Variants in WDR73 observed in about 807,000 individuals in gnomAD.
WDR73 encodes integrator complex assembly factor WDR73.
In WDR73, 30 loss-of-function variants were observed where a neutral mutation model predicts 38.2. That is an observed-to-expected ratio of 0.79 (90% CI 0.59 to 1.06). The LOEUF (loss-of-function observed/expected upper bound fraction) is 1.06, where lower values mean the gene tolerates loss of function less well. Ranked by LOEUF, WDR73 falls within the 50% of genes least tolerant of loss-of-function variation. WDR73 has a pLI of 0.00. For synonymous variants in WDR73, 197 were observed against 176.0 expected (o/e 1.12, Z -0.94); for missense variants, 487 against 467.0 (o/e 1.04, Z -0.40).
rs182438145 is a variant in WDR73 at position 84,653,433 on chromosome 15, G to A, written c.109+199C>T. 4 of 495,152 alleles carry A rather than the reference G, an allele frequency of 8.1e-6. 1 individual carries two copies. Among genetic ancestry groups the A allele is most frequent in the East Asian group, 7.3e-5 (2 of 27,272 alleles). The allele number at this position is 495,152 out of a possible 1,614,324, so 30.7% of individuals were successfully genotyped here. Reference sequence around the variant, plus strand: ...GATCCGCCTGCCTCGGCCTCCCAAAGTGCTGGGATTACAGGCGTGAACCAC... The same window carrying A: ...GATCCGCCTGCCTCGGCCTCCCAAAATGCTGGGATTACAGGCGTGAACCAC... On this transcript the variant is annotated intron_variant, in intron 2 of 7. Coordinates refer to ENST00000434634, the MANE Select transcript of WDR73 (RefSeq NM_032856.5).
rs930747973 is a variant in WDR73 at position 84,654,261 on chromosome 15, T to A, written c.14A>T (p.Asp5Val). 3.7e-6 allele frequency: 6 copies of A among 1,613,758 alleles called. No homozygotes were observed. Among genetic ancestry groups the A allele is most frequent in the Non-Finnish European group, 5.1e-6 (6 of 1,179,816 alleles). Reference sequence around the variant, plus strand: ...GCGCAAGGATTCCACCAGCCAGTCGTCCCCAGGATCCATGGCAACGACCGC... The same window carrying A: ...GCGCAAGGATTCCACCAGCCAGTCGACCCCAGGATCCATGGCAACGACCGC... Reference protein sequence around the residue: MDPGDDWLVESLRLY... With the variant: MDPGVDWLVESLRLY... The change falls in exon 1 of 8, where the codon GAC (aspartate) becomes GTC (valine). Residue 5 changes from aspartate (D) to valine (V), a missense_variant. By Grantham distance (152) the Asp-to-Val change is radical. Transcript: ENST00000434634.
rs910159785 is a variant in WDR73, at chr15:84,643,737, A to G, written c.884-14T>C. 1.8e-5 allele frequency: 29 copies of G among 1,604,594 alleles called. No homozygotes were observed. The highest frequency in any genetic ancestry group is 3.3e-4 in the Middle Eastern group (2 of 6,030). On this transcript the variant is annotated splice_polypyrimidine_tract_variant and intron_variant, in intron 7 of 7. Transcript: ENST00000434634. ...TACCATCAAAACCTGAGAATACAGAAAAGAGAGGCTTGACAATGAGTCCCT... is the reference window on the plus strand; with the variant it reads ...TACCATCAAAACCTGAGAATACAGAGAAGAGAGGCTTGACAATGAGTCCCT...
In WDR73 at chr15:84,646,221, G is replaced by A. The variant is rs201447846; in HGVS notation, c.480C>T (p.Val160=). 222 of 1,613,820 alleles carry A rather than the reference G, an allele frequency of 1.4e-4. No homozygotes were observed. The highest frequency in any genetic ancestry group is 1.1e-3 in the African/African-American group (80 of 75,022). ...TGGTCTTCCGGGACTCCAGATCAAC[G>A]ACCTGCAGACTTCGGAGCCTCGCCC... ...LHGARLRSLQ[V]VDLESRKTTY... The change falls in exon 6 of 8, where the codon GTC becomes GTT. Residue 160 remains valine (V), a synonymous_variant. Transcript: ENST00000434634.
Position 84,643,665 on chromosome 15 carries a change from TTGGCTCCGTGTTCCATC to T in WDR73, c.925_941del (p.Asp309ArgfsTer49), listed in dbSNP as rs752356322. 3.4e-5 allele frequency: 42 copies of T among 1,243,342 alleles called. No individual in the cohort carries two copies. The South Asian group carries it at 5.6e-4, about 17-fold the overall frequency. 77.0% of individuals were successfully genotyped at this position (1,243,342 alleles called of 1,614,324 possible). On this transcript the variant is annotated frameshift_variant, in exon 8 of 8. Coordinates refer to ENST00000434634, the MANE Select transcript of WDR73 (RefSeq NM_032856.5). LOFTEE classifies it high-confidence loss of function. ...GTTCTACTTGGCTCCGTGTTCCATC[TTGGCTCCGTGTTCCATC>T]CCAAGATGTGGCATCATAGACCTGG...
intron 3 of WDR73, among the ~76,000 whole-genome samples, chr15:84,650,004 T>C (rs1896575298): frequency 6.6e-6 from 1 of 152,224 alleles, no homozygotes; most frequent in African/African-American, 2.4e-5. Context: ...CCAGCACTCC[T>C]AATGGCCCTG....
In WDR73 at chr15:84,643,307, C is replaced by T; in HGVS notation, c.*163G>A. 1.2e-6 allele frequency: 1 copy of T among 805,866 alleles called. No individual in the cohort carries two copies. The highest frequency in any genetic ancestry group is 1.9e-6 in the Non-Finnish European group (1 of 522,022). 49.9% of individuals were successfully genotyped at this position (805,866 alleles called of 1,614,324 possible). On this transcript the variant is annotated 3_prime_UTR_variant, in exon 8 of 8. Coordinates refer to ENST00000434634, the MANE Select transcript of WDR73 (RefSeq NM_032856.5). ...ACTACGAGGTAGTTCTTACTATCCT[C>T]ATTTTACAGATAAGGAAACTGAGGC... is the stretch of plus-strand genomic sequence containing the variant.
Position 84,646,444 on chromosome 15 carries a change from A to C in WDR73, c.353-96T>G. 4 of 1,497,004 alleles carry C rather than the reference A, an allele frequency of 2.7e-6. No homozygotes were observed. In the East Asian group the frequency reaches 9.1e-5, roughly 34 times the overall value. 92.7% of individuals were successfully genotyped at this position (1,497,004 alleles called of 1,614,324 possible). A position where few individuals can be genotyped will look rare whatever the true frequency, so the allele number is the denominator to read the frequency against. ...TCTTCCCCTGTACATTTAGAAGATCAAGGAAGAAAAGGAGCTGCCGGCTGG... is the reference window on the plus strand; with the variant it reads ...TCTTCCCCTGTACATTTAGAAGATCCAGGAAGAAAAGGAGCTGCCGGCTGG... On this transcript the variant is annotated intron_variant, in intron 5 of 7. Coordinates refer to ENST00000434634, the MANE Select transcript of WDR73 (RefSeq NM_032856.5).
intron 7 of WDR73, 80 bp from the exon 8 acceptor site, chr15:84,643,803 G>A: frequency 7.0e-7 from 1 of 1,422,230 alleles, no homozygotes; most frequent in Non-Finnish European, 9.3e-7. Flanking sequence ...TTTTAATAGA[G>A]ATGGGGTTTC....
intron 7 of WDR73, chr15:84,645,173 T>C: frequency 1.6e-6 from 2 of 1,242,324 alleles, no homozygotes; most frequent in Non-Finnish European, 2.0e-6. Context: ...TGTCCCCTTT[T>C]CTTTCTGACC....
rs1482945073 is a variant in WDR73, at chr15:84,640,733, T to TA, written c.*2736dup. On this transcript the variant is annotated 3_prime_UTR_variant, in exon 8 of 8. Transcript: ENST00000434634. ...ATAATATTATTAAAAGAATTTAAAA[T>TA]AAAGTGTTCCATAGATGTGAACCCT... 6.6e-6 allele frequency: 1 copy of TA among 152,120 alleles called. No individual in the cohort carries two copies. The highest frequency in any genetic ancestry group is 2.4e-5 in the African/African-American group (1 of 41,422). 9.4% of individuals were successfully genotyped at this position (152,120 alleles called of 1,614,324 possible). A position where few individuals can be genotyped will look rare whatever the true frequency, so the allele number is the denominator to read the frequency against.
intron 3 of WDR73, among the ~76,000 whole-genome samples, chr15:84,651,030 G>C (rs1216427622): frequency 6.6e-6 from 1 of 151,672 alleles, no homozygotes; most frequent in Non-Finnish European, 1.5e-5. Flanking sequence ...TGGGAGGATG[G>C]CTTGAGCCCA....
In WDR73 at chr15:84,642,492, G is replaced by A. The variant is rs1896292177; in HGVS notation, c.*978C>T. On this transcript the variant is annotated 3_prime_UTR_variant, in exon 8 of 8. Coordinates refer to ENST00000434634, the MANE Select transcript of WDR73 (RefSeq NM_032856.5). ...TATTTTGTGTGTGTGTGTGTAACAG[G>A]GTCTCATTCTGTTGCCCAGGCTGGA... 6.6e-6 allele frequency: 1 copy of A among 152,046 alleles called. No individual in the cohort carries two copies. The highest frequency in any genetic ancestry group is 1.5e-5 in the Non-Finnish European group (1 of 68,022). The allele number at this position is 152,046 out of a possible 1,614,324, so 9.4% of individuals were successfully genotyped here.
Position 84,652,751 on chromosome 15 carries a change from A to G in WDR73, c.161T>C (p.Leu54Pro). 6.5e-7 allele frequency: 1 copy of G among 1,538,504 alleles called. No homozygotes were observed. The highest frequency in any genetic ancestry group is 8.8e-7 in the Non-Finnish European group (1 of 1,140,492). Residue 54 changes from leucine (L) to proline (P), a missense_variant, in exon 3 of 8, where the codon CTG becomes CCG. By Grantham distance (98) the Leu-to-Pro change is moderately conservative. Transcript: ENST00000434634. ...ESLKKNEILH[L>P]KLPLRLSVKE... ...TACAGAAAGTCTGAGAGGTAATTTC[A>G]GATGAAGAATTTCATTCTTTTTCAG...
At position 84,646,354 on chromosome 15, in the gene WDR73, G is replaced by A. The variant is rs778700490; in HGVS notation, c.353-6C>T. 43 of 1,601,426 alleles carry A rather than the reference G, an allele frequency of 2.7e-5. No individual in the cohort carries two copies. In the South Asian group the frequency reaches 4.0e-4, roughly 15 times the overall value. ...GCTGACAGCTTTAATGACATCTAGG[G>A]GAAAACGAAGAGGCCAAAATCCAGA... On this transcript the variant is annotated splice_polypyrimidine_tract_variant and splice_region_variant and intron_variant, in intron 5 of 7. Coordinates refer to ENST00000434634, the MANE Select transcript of WDR73 (RefSeq NM_032856.5).
chr15:84,647,811 C>A (rs552643030), intron 5 of WDR73, 79 bp downstream of exon 5: 1 of 1,408,640 alleles, frequency 7.1e-7, no homozygotes, highest in East Asian at 2.3e-5. Flanking sequence ...TCCTTCTTAA[C>A]TGGCTCAGAT....
At chr15:84,647,610 C>T (rs1403273594) in intron 5 of WDR73, 1 of 386,026 alleles carries the variant, frequency 2.6e-6, no homozygotes, top group South Asian at 3.5e-5. Flanking sequence ...AATTCTCCTG[C>T]CTCAGTCTCC....
At chr15:84,651,587 G>A (rs1233477306) in intron 3 of WDR73, among the ~76,000 whole-genome samples, 3 of 152,172 alleles carry the variant, frequency 2.0e-5, no homozygotes, top group Non-Finnish European at 4.4e-5. Flanking sequence ...GGAAGCAGGA[G>A]CGTGTTCCCT....
Position 84,652,618 on chromosome 15 carries a change from A to G in WDR73, c.198+96T>C, listed in dbSNP as rs1411416501. On this transcript the variant is annotated intron_variant, in intron 3 of 7. Transcript: ENST00000434634. Reference sequence around the variant, plus strand: ...CAGGCCTAGCGCTTTCTCTCTTTCTAGTATCCAGGACAATACCTGGTAGAT... The same window carrying G: ...CAGGCCTAGCGCTTTCTCTCTTTCTGGTATCCAGGACAATACCTGGTAGAT... 6 of 681,232 alleles carry G rather than the reference A, an allele frequency of 8.8e-6. No individual in the cohort carries two copies. In the African/African-American group the frequency reaches 9.3e-5, roughly 11 times the overall value. The allele number at this position is 681,232 out of a possible 1,614,324, so 42.2% of individuals were successfully genotyped here.
At chr15:84,649,692 A>T (rs1195642164) in intron 3 of WDR73, among the ~76,000 whole-genome samples, 3 of 151,946 alleles carry the variant, frequency 2.0e-5, no homozygotes, top group South Asian at 2.1e-4. Flanking sequence ...CTGGTCTCGA[A>T]CTCCCAACCT....
Sources: gnomAD v4.1 joint callset for allele counts (sites outside exome capture counted in the v4.1 genomes callset) on GRCh38, gnomAD v4.1.1 for gene constraint, MANE v1.5 for transcripts, NCBI Gene and HGNC (gene_info 2026-07-23, HGNC 2026-07-21) for gene names.